CDH4: variants seen among roughly 807,000 people sequenced by gnomAD.
CDH4 encodes cadherin-4.
CDH4 carries 33 observed loss-of-function variants against 86.0 expected under a neutral mutation model. The ratio of observed to expected loss-of-function variants is 0.38; its 90% confidence interval spans 0.29 to 0.51. The LOEUF is 0.51. CDH4 is among the 20% of genes least tolerant of loss of function. The pLI is 0.86. For missense variants in CDH4, 1,114 were observed against 1,307.4 expected (o/e 0.85, Z 2.28); for synonymous variants, 555 against 549.4 (o/e 1.01, Z -0.14).
chr20:61,884,837 G>A (rs893892445), intron 7 of CDH4, among the ~76,000 whole-genome samples: 4 of 152,188 alleles, frequency 2.6e-5, no homozygotes, highest in Non-Finnish European at 5.9e-5. Flanking sequence ...TGGGGTGGGG[G>A]CGGGGAAGGC....
At chr20:61,781,324 A>G (rs1978531977) in intron 4 of CDH4, among the ~76,000 whole-genome samples, 1 of 152,214 alleles carries the variant, frequency 6.6e-6, no homozygotes, top group East Asian at 1.9e-4. Context: ...GAGATCACCC[A>G]GACATTGGAA....
At chr20:61,411,450 C>T (rs2085118981) in intron 2 of CDH4, among the ~76,000 whole-genome samples, 2 of 151,384 alleles carry the variant, frequency 1.3e-5, no homozygotes, top group Admixed American at 1.3e-4. Flanking sequence ...AACCTCAAGC[C>T]AAACTCTCTC....
intron 2 of CDH4, among the ~76,000 whole-genome samples, chr20:61,528,175 A>G (rs916933683): frequency 6.6e-6 from 1 of 150,940 alleles, no homozygotes; most frequent in African/African-American, 2.4e-5. Flanking sequence ...CAGGAGTTCA[A>G]GACCAGCTTG....
intron 2 of CDH4, among the ~76,000 whole-genome samples, chr20:61,333,957 C>T (rs1484570376): frequency 6.6e-6 from 1 of 152,112 alleles, no homozygotes; most frequent in Non-Finnish European, 1.5e-5. Context: ...TCGGTGAGGG[C>T]GGGAGAGACA....
intron 7 of CDH4, among the ~76,000 whole-genome samples, chr20:61,882,988 C>T (rs904615382): frequency 1.3e-5 from 2 of 152,330 alleles, no homozygotes; most frequent in Non-Finnish European, 2.9e-5. Context: ...CGCCCAGAAG[C>T]CCAGTGATCC....
chr20:61,857,334 C>T (rs946907299), intron 6 of CDH4, among the ~76,000 whole-genome samples: 2 of 152,312 alleles, frequency 1.3e-5, no homozygotes, highest in Non-Finnish European at 2.9e-5. Context: ...TGGTGAGTTC[C>T]GATGGTGGGA....
chr20:61,369,288 T>C (rs1020269558), intron 2 of CDH4, among the ~76,000 whole-genome samples: 4 of 151,504 alleles, frequency 2.6e-5, no homozygotes, highest in South Asian at 4.2e-4. Flanking sequence ...CCCTCTCTAC[T>C]AAAAATACAA....
rs144093294 is a variant in CDH4, at chr20:61,676,569, C to T, written c.170-66994C>T. Among the ~76,000 whole-genome samples the T allele has an allele frequency of 9.6e-4, 146 of 152,202 alleles. No individual in the cohort carries two copies. Among genetic ancestry groups the T allele is most frequent in the Non-Finnish European group, 1.7e-3 (115 of 68,010 alleles). ...ATGGGTCTGCTTGGAGACCCCGGGT[C>T]AGGCTGTGACAGTGCCCTGGCTCTG... On this transcript the variant is annotated intron_variant, in intron 2 of 15. Transcript: ENST00000614565. This position sits in a 1 kb window ranked among gnomAD's most constrained non-coding sequence, Gnocchi z 4.5.
At chr20:61,259,465 G>A (rs1480544920) in intron 2 of CDH4, among the ~76,000 whole-genome samples, 1 of 152,222 alleles carries the variant, frequency 6.6e-6, no homozygotes, top group Non-Finnish European at 1.5e-5. Context: ...CCTAATGCAT[G>A]GTGGCTGTGA....
intron 13 of CDH4, among the ~76,000 whole-genome samples, chr20:61,931,271 C>T (rs1451291586): frequency 6.6e-6 from 1 of 152,254 alleles, no homozygotes; most frequent in Non-Finnish European, 1.5e-5. Flanking sequence ...CAGGTTCTCA[C>T]GGAGCTGCAC....
chr20:61,896,040 AC>A (rs1478845522), intron 8 of CDH4, among the ~76,000 whole-genome samples: 3 of 150,238 alleles, frequency 2.0e-5, no homozygotes, highest in Non-Finnish European at 3.0e-5. Context: ...CCACCATATC[AC>A]CCCCTTCTCC....
At chr20:61,475,157 C>T (rs1347023312) in intron 2 of CDH4, among the ~76,000 whole-genome samples, 1 of 152,118 alleles carries the variant, frequency 6.6e-6, no homozygotes, top group Non-Finnish European at 1.5e-5. Context: ...GCATGTGTTA[C>T]ACTTTTTTCC....
chr20:61,865,775 T>G (rs1983519986), intron 6 of CDH4, among the ~76,000 whole-genome samples: 1 of 151,570 alleles, frequency 6.6e-6, no homozygotes, highest in Non-Finnish European at 1.5e-5. Context: ...GTGTATGTAA[T>G]GGGTTAGTTT....
chr20:61,620,188 G>A (rs2086760982), intron 2 of CDH4, among the ~76,000 whole-genome samples: 1 of 144,338 alleles, frequency 6.9e-6, no homozygotes, highest in South Asian at 2.3e-4. Context: ...GTGGGTGGGT[G>A]GATGGATGGA....
At chr20:61,407,908 G>A (rs117593748) in intron 2 of CDH4, among the ~76,000 whole-genome samples, 6 of 152,308 alleles carry the variant, frequency 3.9e-5, no homozygotes, top group Admixed American at 6.5e-5. Context: ...AACAGGCAAC[G>A]CTAATTGTCT....
At chr20:61,919,413 C>G (rs1474926686) in intron 9 of CDH4, among the ~76,000 whole-genome samples, 1 of 152,210 alleles carries the variant, frequency 6.6e-6, no homozygotes, top group Non-Finnish European at 1.5e-5. Context: ...GTGGGTGGAA[C>G]ACCCCAGGTT....
At chr20:61,785,242 C>T (rs553575655) in intron 4 of CDH4, among the ~76,000 whole-genome samples, 28 of 152,324 alleles carry the variant, frequency 1.8e-4, no homozygotes, top group African/African-American at 5.8e-4. Flanking sequence ...CCTCACACCA[C>T]GTGGCATTTC....
intron 2 of CDH4, among the ~76,000 whole-genome samples, chr20:61,618,781 T>C (rs112328053): frequency 2.3e-4 from 35 of 152,330 alleles, no homozygotes; most frequent in African/African-American, 8.2e-4. Context: ...TTGCTCTTTA[T>C]TGCCTGAGGA....
chr20:61,925,248 A>G (rs2055032681), intron 11 of CDH4, among the ~76,000 whole-genome samples: 1 of 152,164 alleles, frequency 6.6e-6, no homozygotes, highest in South Asian at 2.1e-4. Flanking sequence ...CCCTTCCTGG[A>G]CCTGCAGTAA....
Sources: gnomAD v4.1 joint callset for allele counts (sites outside exome capture counted in the v4.1 genomes callset) on GRCh38, gnomAD v4.1.1 for gene constraint, Gnocchi (gnomAD v3.1) non-coding constraint, MANE v1.5 for transcripts, NCBI Gene and HGNC (gene_info 2026-07-23, HGNC 2026-07-21) for gene names.